Variants in CNTNAP5 observed in about 807,000 individuals in gnomAD.
CNTNAP5 encodes the protein contactin-associated protein-like 5.
Under a neutral mutation model 150.2 loss-of-function variants are expected in CNTNAP5, and 72 were observed. The ratio of observed to expected loss-of-function variants is 0.48; its 90% CI spans 0.40 to 0.58. CNTNAP5 has a LOEUF of 0.58. Among genes scored for constraint, CNTNAP5 ranks in the 20% least tolerant of loss-of-function variants. The pLI is 0.00. For synonymous variants in CNTNAP5, 672 were observed against 619.8 expected (o/e 1.08, Z -1.25); for missense variants, 1,636 against 1,626.2 (o/e 1.01, Z -0.10).
chr2:124,486,693 A>G (rs981279098), intron 7 of CNTNAP5, among the ~76,000 whole-genome samples: 1 of 152,228 alleles, frequency 6.6e-6, no homozygotes, highest in Non-Finnish European at 1.5e-5. Context: ...CATGTCTCAC[A>G]AATGTATGAA....
At chr2:124,693,109 C>G (rs1433810200) in intron 13 of CNTNAP5, among the ~76,000 whole-genome samples, 2 of 152,074 alleles carry the variant, frequency 1.3e-5, no homozygotes, top group South Asian at 2.1e-4. Context: ...CAGAGACACA[C>G]AGATACGGGT....
At chr2:124,624,891 A>G (rs1378380916) in intron 12 of CNTNAP5, among the ~76,000 whole-genome samples, 2 of 152,192 alleles carry the variant, frequency 1.3e-5, no homozygotes, top group African/African-American at 2.4e-5. Context: ...ATTAGGCACC[A>G]TGCTAGGTAT....
intron 17 of CNTNAP5, among the ~76,000 whole-genome samples, chr2:124,780,148 A>G (rs1446394258): frequency 2.0e-5 from 3 of 152,128 alleles, no homozygotes; most frequent in African/African-American, 7.2e-5. Context: ...CTTAATAATA[A>G]TCAATAGCTT....
intron 22 of CNTNAP5, among the ~76,000 whole-genome samples, chr2:124,910,869 A>C (rs1451667877): frequency 6.6e-6 from 1 of 151,920 alleles, no homozygotes; most frequent in African/African-American, 2.4e-5. Flanking sequence ...TACATGTGCA[A>C]ATTTATATTT....
intron 10 of CNTNAP5, among the ~76,000 whole-genome samples, chr2:124,547,430 A>G (rs1444819871): frequency 6.6e-6 from 1 of 152,244 alleles, no homozygotes; most frequent in East Asian, 1.9e-4. Flanking sequence ...TTCCCGGGAT[A>G]GAACTTAAAT....
chr2:124,032,984 C>T (rs937123615), intron 1 of CNTNAP5, among the ~76,000 whole-genome samples: 1 of 152,172 alleles, frequency 6.6e-6, no homozygotes, highest in Non-Finnish European at 1.5e-5. Context: ...CTCATTCCCC[C>T]TCTGACAGGG....
intron 3 of CNTNAP5, among the ~76,000 whole-genome samples, chr2:124,352,817 C>G (rs1052798327): frequency 6.6e-6 from 1 of 152,110 alleles, no homozygotes; most frequent in African/African-American, 2.4e-5. Context: ...CTAGAAACAG[C>G]AAGATAACTG....
chr2:124,209,726 A>G (rs1223589849), intron 1 of CNTNAP5, among the ~76,000 whole-genome samples: 2 of 152,080 alleles, frequency 1.3e-5, no homozygotes, highest in Non-Finnish European at 2.9e-5. Context: ...GAGCTCAAGG[A>G]CCTGTGTGCT....
intron 19 of CNTNAP5, among the ~76,000 whole-genome samples, chr2:124,839,336 G>A (rs1682894725): frequency 6.6e-6 from 1 of 151,948 alleles, no homozygotes; most frequent in Non-Finnish European, 1.5e-5. Context: ...ATCACTCTTG[G>A]ACCTGGAATC....
intron 8 of CNTNAP5, among the ~76,000 whole-genome samples, chr2:124,524,030 G>A (rs972547615): frequency 4.0e-5 from 6 of 151,520 alleles, no homozygotes; most frequent in African/African-American, 7.3e-5. Flanking sequence ...TGGTTGTGGT[G>A]TGTACAACAT....
chr2:124,548,209 C>A (rs1168166978), intron 10 of CNTNAP5, among the ~76,000 whole-genome samples: 3 of 152,142 alleles, frequency 2.0e-5, no homozygotes, highest in Non-Finnish European at 4.4e-5. Flanking sequence ...CATTTTAGCT[C>A]AAATTGGATG....
At chr2:124,046,606 G>A (rs1681544778) in intron 1 of CNTNAP5, among the ~76,000 whole-genome samples, 3 of 152,124 alleles carry the variant, frequency 2.0e-5, no homozygotes, top group African/African-American at 7.2e-5. Flanking sequence ...AATGTCAGGT[G>A]CCCACAGCAA....
intron 10 of CNTNAP5, among the ~76,000 whole-genome samples, chr2:124,536,013 T>C (rs1483586120): frequency 6.6e-6 from 1 of 152,124 alleles, no homozygotes. Context: ...CGGTAATACA[T>C]ATGTTTTAGT....
intron 7 of CNTNAP5, among the ~76,000 whole-genome samples, chr2:124,493,965 T>TACACACAC (rs58843895): frequency 1.0e-4 from 15 of 143,832 alleles, no homozygotes; most frequent in Admixed American, 4.1e-4. Flanking sequence ...AAACCATAAA[T>TACACACAC]ACACACACAC....
chr2:124,394,042 T>A (rs1300091539), intron 3 of CNTNAP5, among the ~76,000 whole-genome samples: 3 of 152,106 alleles, frequency 2.0e-5, no homozygotes, highest in Non-Finnish European at 4.4e-5. Flanking sequence ...AATATTTAAC[T>A]GTTATAGCTA....
At chr2:124,128,032 A>T (rs1464852935) in intron 1 of CNTNAP5, among the ~76,000 whole-genome samples, 1 of 152,228 alleles carries the variant, frequency 6.6e-6, no homozygotes, top group Non-Finnish European at 1.5e-5. Flanking sequence ...ACCAAAAGCA[A>T]TGGCAGCAAA....
intron 3 of CNTNAP5, among the ~76,000 whole-genome samples, chr2:124,251,275 A>G (rs1687167085): frequency 6.9e-6 from 1 of 145,148 alleles, no homozygotes; most frequent in Admixed American, 7.0e-5. Flanking sequence ...CATAGGAAAA[A>G]GAAACAGTTT....
chr2:124,393,997 T>G (rs1691182148), intron 3 of CNTNAP5, among the ~76,000 whole-genome samples: 1 of 152,188 alleles, frequency 6.6e-6, no homozygotes, highest in South Asian at 2.1e-4. Flanking sequence ...CAGTTACATT[T>G]TATATAAAAT....
At chr2:124,040,605 G>A in intron 1 of CNTNAP5, among the ~76,000 whole-genome samples, 1 of 139,784 alleles carries the variant, frequency 7.2e-6, no homozygotes, top group Non-Finnish European at 1.5e-5. Context: ...GTGTGCCTGT[G>A]TGCCTCTGTA....
Sources: gnomAD v4.1 joint callset for allele counts (sites outside exome capture counted in the v4.1 genomes callset) on GRCh38, gnomAD v4.1.1 for gene constraint, MANE v1.5 for transcripts, NCBI Gene and HGNC (gene_info 2026-07-23, HGNC 2026-07-21) for gene names.